Variants in ATG7 observed in about 807,000 individuals in gnomAD.
ATG7 encodes autophagy related 7, also known as ubiquitin-like modifier-activating enzyme ATG7.
A neutral mutation model predicts 82.4 loss-of-function variants in ATG7; 70 were observed. That is an observed-to-expected ratio of 0.85 (90% CI 0.70 to 1.04). The LOEUF (loss-of-function observed/expected upper bound fraction) is 1.04, where lower values mean the gene tolerates loss of function less well. Ranked by LOEUF, ATG7 falls within the 50% of genes least tolerant of loss-of-function variation. The probability of loss-of-function intolerance (pLI) is 0.00; values close to 1 mark genes in which losing one functional copy is unlikely to be tolerated. For missense variants in ATG7, 792 were observed against 864.3 expected, an observed-to-expected ratio of 0.92 and a Z score of 1.05; for synonymous variants, 287 against 313.0, an observed-to-expected ratio of 0.92 and a Z score of 0.88.
At chr3:11,440,644 A>G (rs1559629285) in intron 20 of ATG7, among the ~76,000 whole-genome samples, 2 of 124,160 alleles carry the variant, frequency 1.6e-5, no homozygotes, top group Admixed American at 1.7e-4. Flanking sequence ...ATTTCCCTTT[A>G]CAATTTAGGG....
At chr3:11,568,150 C>T in the ATG7 span, among the ~76,000 whole-genome samples, 2 of 152,214 alleles carry the variant, frequency 1.3e-5, no homozygotes, top group African/African-American at 4.8e-5. This position sits in a 1 kb window ranked among gnomAD's most constrained non-coding sequence, Gnocchi z 5.9. Flanking sequence ...TAAAGACACC[C>T]CCGGGTGGCA....
At chr3:11,494,624 A>T (rs146458085) in intron 20 of ATG7, among the ~76,000 whole-genome samples, 169 of 152,318 alleles carry the variant, frequency 1.1e-3, no homozygotes, top group African/African-American at 3.8e-3. Flanking sequence ...GTCCTTTTTC[A>T]TCACTTTAAG....
chr3:11,414,727 A>G (rs1195734429), intron 19 of ATG7, among the ~76,000 whole-genome samples: 1 of 152,110 alleles, frequency 6.6e-6, no homozygotes, highest in South Asian at 2.1e-4. Flanking sequence ...ATCAAGTTGA[A>G]GTTTCCCTCT....
At chr3:11,494,841 AG>A (rs2090686143) in intron 20 of ATG7, among the ~76,000 whole-genome samples, 1 of 152,192 alleles carries the variant, frequency 6.6e-6, no homozygotes, top group African/African-American at 2.4e-5. Context: ...TGAGAGGCCA[AG>A]GTGAGTGGAT....
At chr3:11,372,546 C>G (rs2077072549) in intron 18 of ATG7, among the ~76,000 whole-genome samples, 1 of 150,932 alleles carries the variant, frequency 6.6e-6, no homozygotes, top group Non-Finnish European at 1.5e-5. Flanking sequence ...ACTATCACTT[C>G]CACAAATGAG....
At chr3:11,451,166 G>T (rs1170845250) in intron 20 of ATG7, among the ~76,000 whole-genome samples, 1 of 151,070 alleles carries the variant, frequency 6.6e-6, no homozygotes, top group Admixed American at 6.6e-5. Context: ...TTTTGAAAAG[G>T]ACAGGCTGGA....
intron 11 of ATG7, among the ~76,000 whole-genome samples, chr3:11,333,572 C>G (rs922645988): frequency 6.6e-6 from 1 of 151,710 alleles, no homozygotes; most frequent in Non-Finnish European, 1.5e-5. Context: ...CAGCTTTTAC[C>G]CCCATTTTAT....
At chr3:11,468,352 A>G (rs550509377) in intron 20 of ATG7, among the ~76,000 whole-genome samples, 1 of 152,240 alleles carries the variant, frequency 6.6e-6, no homozygotes, top group East Asian at 1.9e-4. Flanking sequence ...ACTTCCCTGG[A>G]AGAACTGATG....
At chr3:11,479,647 A>G (rs1195388281) in intron 20 of ATG7, among the ~76,000 whole-genome samples, 1 of 152,236 alleles carries the variant, frequency 6.6e-6, no homozygotes, top group Non-Finnish European at 1.5e-5. Context: ...GCAATTGTCA[A>G]GAGTCAAAAA....
At chr3:11,479,580 G>C (rs1054361277) in intron 20 of ATG7, among the ~76,000 whole-genome samples, 2 of 152,096 alleles carry the variant, frequency 1.3e-5, no homozygotes, top group Non-Finnish European at 1.5e-5. Flanking sequence ...CAGATTTCAA[G>C]TTGGAAGCCC....
At chr3:11,449,869 G>A (rs776707926) in intron 20 of ATG7, among the ~76,000 whole-genome samples, 10 of 152,176 alleles carry the variant, frequency 6.6e-5, no homozygotes, top group Non-Finnish European at 1.2e-4. Flanking sequence ...CTGAGAACAC[G>A]TTTTCATTTT....
chr3:11,472,327 T>TA (rs1047825793), intron 20 of ATG7, among the ~76,000 whole-genome samples: 4 of 152,150 alleles, frequency 2.6e-5, no homozygotes, highest in Non-Finnish European at 5.9e-5. Flanking sequence ...GCTCCAGGCT[T>TA]ACGTCCCCAA....
downstream of ATG7, chr3:11,558,870 G>A (rs2072688723): frequency 1.3e-6 from 2 of 1,599,620 alleles, no homozygotes; most frequent in African/African-American, 2.7e-5. Flanking sequence ...ACAGGTGGCT[G>A]CAGACAGACA....
chr3:11,308,381 C>T (rs1033198887), intron 6 of ATG7: 1 of 152,388 alleles, frequency 6.6e-6, no homozygotes, highest in Non-Finnish European at 1.5e-5. Flanking sequence ...CTTCTTTCTT[C>T]ATCTCTCAGG....
intron 20 of ATG7, among the ~76,000 whole-genome samples, chr3:11,535,762 C>T (rs1476542546): frequency 1.3e-5 from 2 of 152,178 alleles, no homozygotes; most frequent in African/African-American, 4.8e-5. Context: ...GAGAGCTGTT[C>T]TCAATTCCCG....
chr3:11,272,421 TTGAGCGGCGGTAAG>T lies in ATG7; in HGVS notation c.-369_-366+10del, dbSNP rs1366331575. 2 of 152,496 alleles carry T rather than the reference TTGAGCGGCGGTAAG, an allele frequency of 1.3e-5. No homozygotes were observed. The highest frequency in any genetic ancestry group is 2.9e-5 in the Non-Finnish European group (2 of 68,136). 9.4% of individuals were successfully genotyped at this position (152,496 alleles called of 1,614,324 possible). A position where few individuals can be genotyped will look rare whatever the true frequency, so the allele number is the denominator to read the frequency against. ...CAGAGAGAGCTGTGGTTGCCGGAAG[TTGAGCGGCGGTAAG>T]TGAGCCGCGGCGGGCGAGGGTGTAG... On this transcript the variant is annotated splice_donor_variant and splice_donor_5th_base_variant and 5_prime_UTR_variant and intron_variant, in exon 1 of 21. Transcript: ENST00000693202. LOFTEE classifies it low-confidence loss of function (5UTR_SPLICE).
chr3:11,403,628 A>G (rs890598096), intron 19 of ATG7, among the ~76,000 whole-genome samples: 4 of 152,210 alleles, frequency 2.6e-5, no homozygotes, highest in Non-Finnish European at 4.4e-5. Context: ...TTGATAATCA[A>G]TTATTAAGTA....
intron 20 of ATG7, among the ~76,000 whole-genome samples, chr3:11,452,384 C>CAAAAAAAAAAAAAAAA (rs34530409): frequency 3.4e-5 from 2 of 58,420 alleles, no homozygotes; most frequent in African/African-American, 7.6e-5. Context: ...GAACCTGTCT[C>CAAAAAAAAAAAAAAAA]AAAAAAAAAA....
At chr3:11,541,710 C>T (rs539334734) in intron 20 of ATG7, among the ~76,000 whole-genome samples, 42 of 152,284 alleles carry the variant, frequency 2.8e-4, no homozygotes, top group Admixed American at 2.5e-3. Flanking sequence ...AGTTTTCCTC[C>T]TCCTCTTCTC....
Sources: allele counts gnomAD v4.1 joint callset (sites outside exome capture counted in the v4.1 genomes callset), GRCh38; gene constraint gnomAD v4.1.1; non-coding constraint Gnocchi (gnomAD v3.1); transcripts MANE v1.5; gene names NCBI Gene and HGNC (gene_info 2026-07-23, HGNC 2026-07-21).